Variants in KAZN observed in about 807,000 individuals in gnomAD.
KAZN encodes the protein kazrin.
Under a neutral mutation model 87.4 loss-of-function variants are expected in KAZN, and 40 were observed. That is an observed-to-expected ratio of 0.46 (90% CI 0.36 to 0.60). The LOEUF (loss-of-function observed/expected upper bound fraction) is 0.60. Among genes scored for constraint, KAZN ranks in the 20% least tolerant of loss-of-function variants. The pLI is 0.00. For missense variants in KAZN, 898 were observed against 1,073.9 expected, an observed-to-expected ratio of 0.84 and a Z score of 2.29; for synonymous variants, 466 against 458.3, an observed-to-expected ratio of 1.02 and a Z score of -0.22.
At chr1:14,479,131 C>T (rs115406256) in intron 2 of KAZN, among the ~76,000 whole-genome samples, 5,712 of 152,220 alleles carry the variant, frequency 0.038, 266 homozygotes, top group African/African-American at 0.1. Flanking sequence ...ATTAACAGCT[C>T]CACACATCCA....
intron 1 of KAZN, among the ~76,000 whole-genome samples, chr1:14,108,262 C>T (rs1557481680): frequency 1.3e-5 from 2 of 152,120 alleles, no homozygotes; most frequent in Admixed American, 6.5e-5. Context: ...TCCACCAAGC[C>T]AGGGGGAGGC....
intron 3 of KAZN, among the ~76,000 whole-genome samples, chr1:15,041,322 A>ATTTTTTT (rs1220391505): frequency 4.3e-4 from 36 of 83,170 alleles, no homozygotes; most frequent in Non-Finnish European, 7.1e-4. Flanking sequence ...TACTCTCCGC[A>ATTTTTTT]TTTTTTTTCT....
At chr1:14,775,961 G>A (rs1313900722) in intron 1 of KAZN, among the ~76,000 whole-genome samples, 4 of 152,302 alleles carry the variant, frequency 2.6e-5, no homozygotes, top group South Asian at 2.1e-4. Flanking sequence ...GTGGTCCTGC[G>A]TGATCACTGC....
chr1:14,655,895 C>A (rs1638761557), intron 1 of KAZN, among the ~76,000 whole-genome samples: 1 of 152,122 alleles, frequency 6.6e-6, no homozygotes. Flanking sequence ...TTACTGGGGG[C>A]TTACATACAG....
At position 15,056,738 on chromosome 1, in the gene KAZN, T is replaced by C. The variant is rs2137640; in HGVS notation, c.916+458T>C. On this transcript the variant is annotated intron_variant, in intron 5 of 14. Coordinates refer to ENST00000376030, the MANE Select transcript of KAZN (RefSeq NM_201628.3). The surrounding 1 kb of genome is among the most constrained non-coding windows in gnomAD (Gnocchi z 5.4). ...CAGGGGAGGCAGCAGAACTCCTTGA[T>C]TGACAGCTCTGGCCAATCACAGGGC... Among the ~76,000 whole-genome samples, 20 of 152,312 alleles carry C rather than the reference T, an allele frequency of 1.3e-4. No homozygotes were observed. The East Asian group carries it at 3.7e-3, about 28-fold the overall frequency.
chr1:14,346,185 T>G (rs1156311948), intron 2 of KAZN, among the ~76,000 whole-genome samples: 1 of 152,160 alleles, frequency 6.6e-6, no homozygotes, highest in Admixed American at 6.5e-5. Flanking sequence ...GTACTTCCTG[T>G]GTGGCTTGTT....
chr1:14,636,849 G>C (rs1680028430), intron 1 of KAZN, among the ~76,000 whole-genome samples: 1 of 152,186 alleles, frequency 6.6e-6, no homozygotes, highest in Non-Finnish European at 1.5e-5. Flanking sequence ...GGAGAAATAA[G>C]ACCAAAGGGA....
chr1:14,401,381 A>T (rs569008508), intron 2 of KAZN, among the ~76,000 whole-genome samples: 1 of 151,968 alleles, frequency 6.6e-6, no homozygotes, highest in South Asian at 2.1e-4. Context: ...GGATTATATC[A>T]TTCCAGGTCA....
At chr1:14,614,259 T>C (rs1678042438) in intron 1 of KAZN, among the ~76,000 whole-genome samples, 1 of 152,214 alleles carries the variant, frequency 6.6e-6, no homozygotes, top group African/African-American at 2.4e-5. Flanking sequence ...CAAAACCATT[T>C]CCCTGTTCCT....
intron 2 of KAZN, among the ~76,000 whole-genome samples, chr1:14,372,979 G>C (rs1428542574): frequency 6.6e-6 from 1 of 152,098 alleles, no homozygotes; most frequent in Non-Finnish European, 1.5e-5. Context: ...AGCCTATGTA[G>C]ACAGAGTAAC....
chr1:14,814,505 C>T (rs893467899), intron 1 of KAZN, among the ~76,000 whole-genome samples: 4 of 152,232 alleles, frequency 2.6e-5, no homozygotes, highest in African/African-American at 9.6e-5. Context: ...TGAGCCACTG[C>T]GCCTGGCCAA....
chr1:14,180,380 T>A, intron 1 of KAZN: 1 of 1,504,612 alleles, frequency 6.6e-7, no homozygotes, highest in East Asian at 2.5e-5. Context: ...CTAGTCAATT[T>A]CTCTTTGAAA....
At chr1:14,380,161 T>G (rs934710607) in intron 2 of KAZN, among the ~76,000 whole-genome samples, 1 of 152,234 alleles carries the variant, frequency 6.6e-6, no homozygotes, top group Non-Finnish European at 1.5e-5. Context: ...ACATCACTAT[T>G]GGGCTTGGGG....
chr1:14,371,723 G>A (rs984765298), intron 2 of KAZN, among the ~76,000 whole-genome samples: 1 of 152,130 alleles, frequency 6.6e-6, no homozygotes, highest in African/African-American at 2.4e-5. Context: ...GAAATGTCTA[G>A]GATGCCAAAA....
intron 2 of KAZN, among the ~76,000 whole-genome samples, chr1:14,479,856 A>G (rs750842378): frequency 1.3e-5 from 2 of 152,168 alleles, no homozygotes; most frequent in Non-Finnish European, 2.9e-5. Flanking sequence ...AGGTGTCTCT[A>G]TTCAATGTCT....
chr1:14,949,188 T>G lies in KAZN; in HGVS notation c.227-11496T>G, dbSNP rs1181315962. 3.4e-5 allele frequency among the ~76,000 whole-genome samples: 5 copies of G among 148,762 alleles called. No homozygotes were observed. In the East Asian group the frequency reaches 5.9e-4, roughly 18 times the overall value. ...ATAATAATAATAATAATAATAATAA[T>G]AAGTAATTTGTCTGTGGTTTTACAT... On this transcript the variant is annotated intron_variant, in intron 1 of 14. Coordinates refer to ENST00000376030, the MANE Select transcript of KAZN (RefSeq NM_201628.3). The surrounding 1 kb of genome is among the most constrained non-coding windows in gnomAD (Gnocchi z 4.3).
chr1:14,552,462 A>C (rs1480548079), intron 2 of KAZN, among the ~76,000 whole-genome samples: 1 of 152,210 alleles, frequency 6.6e-6, no homozygotes, highest in Non-Finnish European at 1.5e-5. Flanking sequence ...TTCCAACTGC[A>C]GAGTGTGCCA....
chr1:13,953,022 T>C (rs1190776868), intron 1 of KAZN, among the ~76,000 whole-genome samples: 1 of 152,196 alleles, frequency 6.6e-6, no homozygotes, highest in Non-Finnish European at 1.5e-5. Context: ...CAGAATGGGC[T>C]GCCCTGGAGT....
intron 2 of KAZN, among the ~76,000 whole-genome samples, chr1:14,537,005 G>A (rs774614162): frequency 6.6e-6 from 1 of 152,232 alleles, no homozygotes; most frequent in Non-Finnish European, 1.5e-5. Context: ...CTCTGAGACA[G>A]TAGAGATGGC....
Sources: gnomAD v4.1 joint callset for allele counts (sites outside exome capture counted in the v4.1 genomes callset) on GRCh38, gnomAD v4.1.1 for gene constraint, Gnocchi (gnomAD v3.1) non-coding constraint, MANE v1.5 for transcripts, NCBI Gene and HGNC (gene_info 2026-07-23, HGNC 2026-07-21) for gene names.